The following RFX3 variants were observed in gnomAD, a reference collection of about 807,000 sequenced individuals.
RFX3 encodes transcription factor RFX3.
Under a neutral mutation model 98.6 loss-of-function variants are expected in RFX3, and 14 were observed. That is an observed-to-expected ratio of 0.14 (90% CI 0.09 to 0.22). The LOEUF (loss-of-function observed/expected upper bound fraction) is 0.22, where lower values mean the gene tolerates loss of function less well. Ranked by LOEUF, RFX3 falls within the 10% of genes least tolerant of loss-of-function variation. RFX3 has a pLI of 1.00. For synonymous variants in RFX3, 383 were observed against 328.4 expected (o/e 1.17, Z -1.80); for missense variants, 639 against 926.9 (o/e 0.69, Z 4.03).
chr9:3,441,764 A>G (rs937337744), intron 1 of RFX3, among the ~76,000 whole-genome samples: 1 of 152,236 alleles, frequency 6.6e-6, no homozygotes, highest in Non-Finnish European at 1.5e-5. Context: ...AAGAATTTCA[A>G]AGAACTTATG....
intron 14 of RFX3, among the ~76,000 whole-genome samples, chr9:3,254,978 G>A (rs1821920276): frequency 1.3e-5 from 2 of 152,158 alleles, no homozygotes; most frequent in African/African-American, 4.8e-5. Flanking sequence ...ATATATGAGA[G>A]GCAGGACTGT....
At chr9:3,437,358 A>G (rs746529283) in intron 1 of RFX3, among the ~76,000 whole-genome samples, 1 of 152,108 alleles carries the variant, frequency 6.6e-6, no homozygotes, top group Non-Finnish European at 1.5e-5. Flanking sequence ...TGAAATAAAC[A>G]GGGCAGAAAG....
chr9:3,474,101 A>T (rs1849009734), intron 1 of RFX3, among the ~76,000 whole-genome samples: 1 of 152,176 alleles, frequency 6.6e-6, no homozygotes, highest in African/African-American at 2.4e-5. Context: ...ACACTTTGAG[A>T]ACCACTGCTC....
rs750093077 is a variant in RFX3 at position 3,421,378 on chromosome 9, C to T, written c.-8-25782G>A. On this transcript the variant is annotated intron_variant, in intron 1 of 16. Coordinates refer to ENST00000617270, the MANE Select transcript of RFX3 (RefSeq NM_001282116.2). ...TGTAAAGAGCTGAATATCCTCCTTT[C>T]ATCTAAAATTTACAGTAAAATAAAC... 6.6e-5 allele frequency among the ~76,000 whole-genome samples: 10 copies of T among 152,264 alleles called. No individual in the cohort carries two copies. The South Asian group carries it at 1.0e-3, about 16-fold the overall frequency.
At chr9:3,349,138 T>C (rs983262740) in intron 2 of RFX3, among the ~76,000 whole-genome samples, 1 of 152,108 alleles carries the variant, frequency 6.6e-6, no homozygotes, top group African/African-American at 2.4e-5. Flanking sequence ...TTTAAATATA[T>C]ACAAATTAAA....
chr9:3,280,690 T>C (rs1825817402), intron 7 of RFX3, among the ~76,000 whole-genome samples: 1 of 151,808 alleles, frequency 6.6e-6, no homozygotes. Flanking sequence ...TGCATATCAA[T>C]ATCTAGGTAG....
intron 1 of RFX3, among the ~76,000 whole-genome samples, chr9:3,496,594 A>G (rs1360574529): frequency 6.6e-6 from 1 of 152,148 alleles, no homozygotes; most frequent in Non-Finnish European, 1.5e-5. Flanking sequence ...ATTCTGTACT[A>G]TCACGTTAAG....
intron 1 of RFX3, among the ~76,000 whole-genome samples, chr9:3,474,460 G>T (rs1044746659): frequency 6.6e-6 from 1 of 152,180 alleles, no homozygotes; most frequent in Non-Finnish European, 1.5e-5. Flanking sequence ...CCATTTGCAA[G>T]AAGGAAATTC....
intron 3 of RFX3, among the ~76,000 whole-genome samples, chr9:3,345,994 C>T (rs112805823): frequency 9.5e-4 from 145 of 152,224 alleles, no homozygotes; most frequent in African/African-American, 3.3e-3. Flanking sequence ...ACCGAGGAAG[C>T]CAACAGGTTG....
At chr9:3,301,811 TA>T (rs1828693717) in intron 4 of RFX3, among the ~76,000 whole-genome samples, 191 bp from the exon 5 acceptor site, 1 of 151,868 alleles carries the variant, frequency 6.6e-6, no homozygotes, top group Non-Finnish European at 1.5e-5. Flanking sequence ...TGCACACTAA[TA>T]ATAAGCCCAT....
chr9:3,329,567 G>A (rs1279839646), intron 4 of RFX3, among the ~76,000 whole-genome samples: 5 of 151,970 alleles, frequency 3.3e-5, no homozygotes, highest in Non-Finnish European at 4.4e-5. Context: ...ATCACCTATA[G>A]TAATGCTTTC....
At chr9:3,474,810 C>G (rs1053919508) in intron 1 of RFX3, among the ~76,000 whole-genome samples, 2 of 152,158 alleles carry the variant, frequency 1.3e-5, no homozygotes, top group East Asian at 1.9e-4. Context: ...AATGACCAAA[C>G]TAGCAGCCAG....
intron 1 of RFX3, among the ~76,000 whole-genome samples, chr9:3,426,510 G>A (rs956413464): frequency 1.3e-5 from 2 of 152,038 alleles, no homozygotes; most frequent in African/African-American, 4.8e-5. Flanking sequence ...CACAGCAGGA[G>A]GTGAGCAAGA....
intron 15 of RFX3, among the ~76,000 whole-genome samples, chr9:3,245,160 A>G (rs1040077435): frequency 6.6e-6 from 1 of 152,230 alleles, no homozygotes; most frequent in African/African-American, 2.4e-5. Context: ...ATGACAAGTA[A>G]AAGTACATAT....
At chr9:3,410,161 C>CTCTGTG (rs1554698458) in intron 1 of RFX3, among the ~76,000 whole-genome samples, 192 of 114,052 alleles carry the variant, frequency 1.7e-3, no homozygotes, top group Non-Finnish European at 2.7e-3. Flanking sequence ...GTGAGATAAA[C>CTCTGTG]TGTGTGTGTG....
At chr9:3,341,588 G>A (rs1443130733) in intron 3 of RFX3, among the ~76,000 whole-genome samples, 10 of 151,860 alleles carry the variant, frequency 6.6e-5, no homozygotes, top group African/African-American at 9.7e-5. Context: ...CCAAGTAGTC[G>A]GCTCCTGTTT....
At position 3,325,385 on chromosome 9, in the gene RFX3, T is replaced by G. The variant is rs117042259; in HGVS notation, c.474+4874A>C. On this transcript the variant is annotated intron_variant, in intron 4 of 16. Transcript: ENST00000617270. ...CAGCAGATGGACTTTCAAATTTTCC[T>G]CCAAATAATTAAATAAATTATAATA... 9.0e-3 allele frequency among the ~76,000 whole-genome samples: 1,372 copies of G among 152,120 alleles called. 10 individuals are homozygous for G. Among genetic ancestry groups the G allele is most frequent in the Non-Finnish European group, 0.016 (1,065 of 67,954 alleles).
chr9:3,376,000 T>G (rs1158474379), intron 2 of RFX3, among the ~76,000 whole-genome samples: 3 of 152,004 alleles, frequency 2.0e-5, no homozygotes, highest in African/African-American at 7.2e-5. Context: ...ACTTACTACT[T>G]TAAATAAAAG....
At chr9:3,421,870 C>G (rs1843469984) in intron 1 of RFX3, among the ~76,000 whole-genome samples, 1 of 152,154 alleles carries the variant, frequency 6.6e-6, no homozygotes. Flanking sequence ...CAAAATTACT[C>G]TAGCAGGCAA....
Sources: gnomAD v4.1 joint callset for allele counts (sites outside exome capture counted in the v4.1 genomes callset) on GRCh38, gnomAD v4.1.1 for gene constraint, MANE v1.5 for transcripts, NCBI Gene and HGNC (gene_info 2026-07-23, HGNC 2026-07-21) for gene names.